The following NBAS variants were observed in gnomAD, a reference collection of about 807,000 sequenced individuals.
The protein encoded by NBAS is NBAS subunit of NRZ tethering complex.
In NBAS, 219 loss-of-function variants were observed where a neutral mutation model predicts 302.5. The ratio of observed to expected loss-of-function variants is 0.72; its 90% CI spans 0.65 to 0.81. The LOEUF (loss-of-function observed/expected upper bound fraction) is 0.81. NBAS is among the 30% of genes least tolerant of loss of function. The probability of loss-of-function intolerance (pLI) is 0.00; values close to 1 mark genes in which losing one functional copy is unlikely to be tolerated. For synonymous variants in NBAS, 1,118 were observed against 1,021.6 expected, an observed-to-expected ratio of 1.09 and a Z score of -1.80; for missense variants, 2,932 against 2,841.6, an observed-to-expected ratio of 1.03 and a Z score of -0.72.
chr2:15,234,442 C>T, intron 46 of NBAS, 103 bp downstream of exon 46: 1 of 1,221,780 alleles, frequency 8.2e-7, no homozygotes, highest in South Asian at 1.2e-5. Flanking sequence ...TTGTAAAGTC[C>T]TTCAAAACTT....
chr2:15,248,566 CAGACTAATAA>C, intron 44 of NBAS, among the ~76,000 whole-genome samples: 1 of 152,110 alleles, frequency 6.6e-6, no homozygotes, highest in East Asian at 1.9e-4. Context: ...GACCACTAGC[CAGACTAATAA>C]AGAATAAAAG....
intron 38 of NBAS, among the ~76,000 whole-genome samples, chr2:15,316,698 G>A (rs964695478): frequency 1.3e-5 from 2 of 152,212 alleles, no homozygotes; most frequent in Non-Finnish European, 2.9e-5. Flanking sequence ...GCTGAGGCTT[G>A]AGTAGGTAAA....
rs532483319 is a variant in NBAS at position 15,235,303 on chromosome 2, A to T, written c.5944-556T>A. On this transcript the variant is annotated intron_variant, in intron 45 of 51. Transcript: ENST00000281513. Reference sequence around the variant, plus strand: ...GATTGAGTAACATGACCAAAGTCACATGGCTACCAATTAGCAGAGCTAAGA... The same window carrying T: ...GATTGAGTAACATGACCAAAGTCACTTGGCTACCAATTAGCAGAGCTAAGA... 3.3e-5 allele frequency among the ~76,000 whole-genome samples: 5 copies of T among 152,340 alleles called. No individual in the cohort carries two copies. The South Asian group carries it at 1.0e-3, about 32-fold the overall frequency.
the NBAS span, among the ~76,000 whole-genome samples, chr2:14,877,775 G>A: frequency 1.3e-5 from 2 of 152,092 alleles, no homozygotes; most frequent in Non-Finnish European, 1.5e-5. Context: ...TATTAATTAA[G>A]TCCTGGACTT....
At chr2:15,035,599 T>C in the NBAS span, among the ~76,000 whole-genome samples, 2 of 152,082 alleles carry the variant, frequency 1.3e-5, no homozygotes, top group Non-Finnish European at 2.9e-5. Flanking sequence ...CAAATGCCCA[T>C]CAATGAGAGA....
intron 48 of NBAS, among the ~76,000 whole-genome samples, chr2:15,194,321 T>C (rs1665507492): frequency 6.6e-6 from 1 of 152,096 alleles, no homozygotes; most frequent in Non-Finnish European, 1.5e-5. Context: ...CAGAACAACG[T>C]TACCTATAGG....
intron 48 of NBAS, among the ~76,000 whole-genome samples, chr2:15,215,837 T>C (rs1666626973): frequency 6.6e-6 from 1 of 152,152 alleles, no homozygotes; most frequent in East Asian, 1.9e-4. Context: ...AGAGGGAGGA[T>C]GGTCACACAC....
chr2:14,814,873 A>G, the NBAS span, among the ~76,000 whole-genome samples: 1 of 152,152 alleles, frequency 6.6e-6, no homozygotes, highest in African/African-American at 2.4e-5. Flanking sequence ...GGGACCTAGT[A>G]GGCGGTGATC....
At chr2:15,482,535 T>C (rs1680471290) in intron 12 of NBAS, among the ~76,000 whole-genome samples, 1 of 152,166 alleles carries the variant, frequency 6.6e-6, no homozygotes, top group Non-Finnish European at 1.5e-5. Context: ...CCTCTTATGA[T>C]GGGTTAGAAG....
At position 15,539,371 on chromosome 2, in the gene NBAS, A is replaced by G. The variant is rs1663686492; in HGVS notation, c.380-15T>C. The G allele has an allele frequency of 6.2e-7, 1 of 1,614,170 alleles. No homozygotes were observed. On this transcript the variant is annotated splice_polypyrimidine_tract_variant and intron_variant, in intron 6 of 51. Transcript: ENST00000281513. Reference sequence around the variant, plus strand: ...GTCTTTCGGAACTAGAACAAAAGAAAACAAGAGGTGCTTCTAACAATATAT... The same window carrying G: ...GTCTTTCGGAACTAGAACAAAAGAAGACAAGAGGTGCTTCTAACAATATAT...
At chr2:15,477,322 C>T (rs769850112) in intron 13 of NBAS, among the ~76,000 whole-genome samples, 7 of 152,022 alleles carry the variant, frequency 4.6e-5, no homozygotes, top group African/African-American at 9.7e-5. Flanking sequence ...AGTGCAGTCC[C>T]GCGATCTCGG....
At chr2:15,344,851 G>T (rs779046329) in intron 35 of NBAS, among the ~76,000 whole-genome samples, 14 of 152,104 alleles carry the variant, frequency 9.2e-5, no homozygotes, top group South Asian at 4.1e-4. Flanking sequence ...TGCAAGGCTG[G>T]TTCAAAATAC....
chr2:15,297,879 T>C (rs1670623329), intron 40 of NBAS, among the ~76,000 whole-genome samples: 1 of 152,002 alleles, frequency 6.6e-6, no homozygotes, highest in South Asian at 2.1e-4. Flanking sequence ...TGTGTGTCTG[T>C]GTGTGTGTGT....
intron 44 of NBAS, 151 bp downstream of exon 44, chr2:15,275,333 C>A: frequency 2.3e-6 from 2 of 856,058 alleles, no homozygotes; most frequent in Non-Finnish European, 3.5e-6. Flanking sequence ...AATTAAAACA[C>A]CTCATTCACA....
At chr2:15,521,075 G>A (rs1662648319) in intron 9 of NBAS, among the ~76,000 whole-genome samples, 1 of 152,226 alleles carries the variant, frequency 6.6e-6, no homozygotes. Flanking sequence ...TTCAGAAAGT[G>A]TCTAAAACTT....
chr2:15,252,309 A>G (rs1372010659), intron 44 of NBAS, among the ~76,000 whole-genome samples: 1 of 152,020 alleles, frequency 6.6e-6, no homozygotes, highest in Non-Finnish European at 1.5e-5. Flanking sequence ...GACCAGCACA[A>G]CCAACATGGA....
At chr2:15,251,431 G>A (rs1335031623) in intron 44 of NBAS, among the ~76,000 whole-genome samples, 8 of 152,098 alleles carry the variant, frequency 5.3e-5, no homozygotes, top group East Asian at 3.9e-4. Flanking sequence ...CGTTCTGCAC[G>A]TATATCCTAG....
intron 26 of NBAS, among the ~76,000 whole-genome samples, chr2:15,400,234 C>T (rs112521000): frequency 7.1e-6 from 1 of 140,960 alleles, no homozygotes; most frequent in African/African-American, 2.6e-5. Flanking sequence ...AAAGAAGAGA[C>T]AGAGAAAAAA....
chr2:15,066,136 A>AC, the NBAS span, among the ~76,000 whole-genome samples: 1 of 152,208 alleles, frequency 6.6e-6, no homozygotes, highest in Non-Finnish European at 1.5e-5. Context: ...TGAGGAAAGG[A>AC]CAATCTCTTC....
Sources: allele counts gnomAD v4.1 joint callset (sites outside exome capture counted in the v4.1 genomes callset), GRCh38; gene constraint gnomAD v4.1.1; transcripts MANE v1.5; gene names NCBI Gene and HGNC (gene_info 2026-07-23, HGNC 2026-07-21).